BACE2: variants seen among roughly 807,000 people sequenced by gnomAD.
BACE2 encodes beta-secretase 2, also known as 56 kDa aspartic-like protease.
Under a neutral mutation model 46.2 loss-of-function variants are expected in BACE2, and 17 were observed. The observed-to-expected ratio is 0.37, with a 90% CI of 0.25 to 0.55. BACE2 has a LOEUF of 0.55. Ranked by LOEUF, BACE2 falls within the 20% of genes least tolerant of loss-of-function variation. BACE2 has a pLI of 0.82. For missense variants in BACE2, 595 were observed against 698.1 expected (o/e 0.85, Z 1.66); for synonymous variants, 277 against 295.9 (o/e 0.94, Z 0.66).
intron 2 of BACE2, among the ~76,000 whole-genome samples, chr21:41,233,385 C>G (rs1987021661): frequency 1.3e-5 from 2 of 152,174 alleles, no homozygotes; most frequent in African/African-American, 4.8e-5. Context: ...CTGGGTCACA[C>G]AGCTAATAAG....
At chr21:41,243,260 AAGT>A in intron 4 of BACE2, 113 bp from the exon 5 acceptor site, 2 of 837,602 alleles carry the variant, frequency 2.4e-6, no homozygotes, top group East Asian at 5.8e-5. Context: ...CATTGTCACG[AAGT>A]AGAAGCCCTG....
At chr21:41,168,597 C>T (rs769863363) in intron 1 of BACE2, 22 bp downstream of exon 1, 3 of 1,304,202 alleles carry the variant, frequency 2.3e-6, no homozygotes, top group Non-Finnish European at 2.9e-6. Context: ...CGGCTGCTGC[C>T]GCGGGCTTTT....
At chr21:41,212,327 C>T (rs1231772697) in intron 1 of BACE2, among the ~76,000 whole-genome samples, 1 of 152,216 alleles carries the variant, frequency 6.6e-6, no homozygotes, top group East Asian at 1.9e-4. Flanking sequence ...GGGCCCCACA[C>T]TCATGATCTA....
rs1601296015 is a variant in BACE2, at chr21:41,237,864, A to G, written c.618+135A>G. 6.1e-6 allele frequency: 4 copies of G among 659,588 alleles called. No homozygotes were observed. In the South Asian group the frequency reaches 7.7e-5, roughly 13 times the overall value. 40.9% of individuals were successfully genotyped at this position (659,588 alleles called of 1,614,324 possible). On this transcript the variant is annotated intron_variant, in intron 3 of 8. Transcript: ENST00000330333. ...AACCACGTGGTGGAAACAGACCAGC[A>G]TTCACACAATTATATTTCCAAGCAT...
At chr21:41,232,900 G>A (rs566509926) in intron 2 of BACE2, among the ~76,000 whole-genome samples, 25 of 139,360 alleles carry the variant, frequency 1.8e-4, no homozygotes, top group Admixed American at 6.8e-4. Context: ...ACAGAGTCTC[G>A]CTCTGTTGCC....
At chr21:41,219,382 GCAGA>G (rs937622672) in intron 1 of BACE2, among the ~76,000 whole-genome samples, 11 of 152,184 alleles carry the variant, frequency 7.2e-5, no homozygotes, top group Non-Finnish European at 1.3e-4. Flanking sequence ...AAACATTATA[GCAGA>G]CAGTGTCACA....
chr21:41,212,264 G>T (rs1212211118), intron 1 of BACE2, among the ~76,000 whole-genome samples: 1 of 152,180 alleles, frequency 6.6e-6, no homozygotes, highest in Non-Finnish European at 1.5e-5. Context: ...ATGGCAAAAG[G>T]GATGAGCGAG....
chr21:41,260,306 G>C (rs530673309), intron 8 of BACE2, among the ~76,000 whole-genome samples: 1 of 151,446 alleles, frequency 6.6e-6, no homozygotes, highest in Admixed American at 6.6e-5. Context: ...ACCATGCCCA[G>C]AAAATTTTTG....
chr21:41,269,184 C>A (rs1201934267), intron 8 of BACE2, among the ~76,000 whole-genome samples: 1 of 152,060 alleles, frequency 6.6e-6, no homozygotes, highest in Non-Finnish European at 1.5e-5. Flanking sequence ...CAACTCCTGA[C>A]CTCAGGTTAT....
At chr21:41,176,424 A>G (rs1035630232) in intron 1 of BACE2, 1 of 152,184 alleles carries the variant, frequency 6.6e-6, no homozygotes, top group Non-Finnish European at 1.5e-5. Context: ...TTATTGGGTG[A>G]GCCTGTCTGC....
rs116266972 is a variant in BACE2, at chr21:41,193,200, A to G, written c.312+24625A>G. Among the ~76,000 whole-genome samples the G allele has an allele frequency of 3.9e-5, 6 of 152,320 alleles. No individual in the cohort carries two copies. Among genetic ancestry groups the G allele is most frequent in the African/African-American group, 1.4e-4 (6 of 41,568 alleles). ...GAGTTTACTGTCCTACCCCTGAGGT[A>G]GGACAGTAAAGGTGTATTGCCGGCC... On this transcript the variant is annotated intron_variant, in intron 1 of 8. Transcript: ENST00000330333. This position sits in a 1 kb window ranked among gnomAD's most constrained non-coding sequence, Gnocchi z 4.2.
At chr21:41,231,798 T>C (rs145079007) in intron 2 of BACE2, among the ~76,000 whole-genome samples, 1 of 152,184 alleles carries the variant, frequency 6.6e-6, no homozygotes, top group African/African-American at 2.4e-5. Flanking sequence ...TCTTGCTCCA[T>C]GTATTTAATT....
At chr21:41,226,121 C>T in intron 1 of BACE2, 145 bp from the exon 2 acceptor site, 1 of 636,356 alleles carries the variant, frequency 1.6e-6, no homozygotes, top group Non-Finnish European at 2.7e-6. Context: ...ATAGCTTTTT[C>T]TATTCTCCTC....
In BACE2 at chr21:41,243,583, G is replaced by A. The variant is rs187781767; in HGVS notation, c.882+73G>A. On this transcript the variant is annotated intron_variant, in intron 5 of 8. Coordinates refer to ENST00000330333, the MANE Select transcript of BACE2 (RefSeq NM_012105.5). The stretch of plus-strand genomic sequence containing the variant: ...CCCTTAAATATGCCAGCTGGAACCC[G>A]TAGATGCCAATAGAAGGTACATTAC... 644 of 1,442,812 alleles carry A rather than the reference G, an allele frequency of 4.5e-4. 2 individuals are homozygous for A. The African/African-American group carries it at 6.7e-3, about 15-fold the overall frequency. 89.4% of individuals were successfully genotyped at this position (1,442,812 alleles called of 1,614,324 possible). A position where few individuals can be genotyped will look rare whatever the true frequency, so the allele number is the denominator to read the frequency against.
intron 1 of BACE2, among the ~76,000 whole-genome samples, chr21:41,187,453 GGAT>G (rs1295656207): frequency 6.6e-6 from 1 of 152,196 alleles, no homozygotes; most frequent in Admixed American, 6.5e-5. Flanking sequence ...GCACAAGTTA[GGAT>G]GATATTTGAG....
chr21:41,205,178 G>A (rs1421391806), intron 1 of BACE2, among the ~76,000 whole-genome samples: 1 of 152,208 alleles, frequency 6.6e-6, no homozygotes, highest in African/African-American at 2.4e-5. Context: ...CTAGGTCACA[G>A]CATTCCACAT....
chr21:41,235,415 G>T (rs1452102713), intron 2 of BACE2, among the ~76,000 whole-genome samples: 1 of 152,144 alleles, frequency 6.6e-6, no homozygotes, highest in African/African-American at 2.4e-5. Context: ...AAAACATCAC[G>T]ACCATCCTGG....
chr21:41,257,142 C>T lies in BACE2; in HGVS notation c.1135-16C>T, dbSNP rs941074920. On this transcript the variant is annotated splice_polypyrimidine_tract_variant and intron_variant, in intron 7 of 8. Transcript: ENST00000330333. ...GCTTTTTCTTGTTTGTTTGCTCTCT[C>T]CTCTCCGACAAACAGCTTTACATTC... 8 of 1,613,964 alleles carry T rather than the reference C, an allele frequency of 5.0e-6. No individual in the cohort carries two copies. The East Asian group carries it at 1.3e-4, about 27-fold the overall frequency.
chr21:41,191,261 T>G (rs754855538), intron 1 of BACE2, among the ~76,000 whole-genome samples: 1 of 152,194 alleles, frequency 6.6e-6, no homozygotes, highest in African/African-American at 2.4e-5. Flanking sequence ...CAACATTCTG[T>G]CAATCCAGCT....
Sources: allele counts gnomAD v4.1 joint callset (sites outside exome capture counted in the v4.1 genomes callset), GRCh38; gene constraint gnomAD v4.1.1; non-coding constraint Gnocchi (gnomAD v3.1); transcripts MANE v1.5; gene names NCBI Gene and HGNC (gene_info 2026-07-23, HGNC 2026-07-21).